CHD9: variants seen among roughly 807,000 people sequenced by gnomAD.
CHD9 encodes the protein ATP-dependent chromatin remodeler CHD9.
A neutral mutation model predicts 316.1 loss-of-function variants in CHD9; 77 were observed. The ratio of observed to expected loss-of-function variants is 0.24; its 90% CI spans 0.20 to 0.29. The LOEUF (loss-of-function observed/expected upper bound fraction) is 0.29. CHD9 is among the 10% of genes least tolerant of loss of function. CHD9 has a pLI of 1.00. For missense variants in CHD9, 2,763 were observed against 3,438.1 expected (o/e 0.80, Z 4.91); for synonymous variants, 1,129 against 1,158.3 (o/e 0.97, Z 0.51).
intron 1 of CHD9, among the ~76,000 whole-genome samples, chr16:53,097,354 C>CCCTTCCTTCCTTCCTT (rs58688221): frequency 6.5e-4 from 60 of 92,156 alleles, no homozygotes; most frequent in African/African-American, 2.7e-3. Flanking sequence ...ACCTCGCTCT[C>CCCTTCCTTCCTTCCTT]CCTTCCTTCC....
chr16:53,311,701 T>C (rs1231356289), intron 34 of CHD9: 2 of 152,246 alleles, frequency 1.3e-5, no homozygotes, highest in African/African-American at 4.8e-5. Context: ...GAAGAGCTCA[T>C]TCCAGAAACT....
intron 1 of CHD9, among the ~76,000 whole-genome samples, chr16:53,089,067 G>A (rs562133238): frequency 2.0e-5 from 3 of 152,038 alleles, no homozygotes. Flanking sequence ...AGCCGAGATC[G>A]TGCCACTGCA....
intron 1 of CHD9, among the ~76,000 whole-genome samples, chr16:53,103,296 G>T (rs1479211108): frequency 6.6e-6 from 1 of 151,638 alleles, no homozygotes; most frequent in East Asian, 1.9e-4. Flanking sequence ...GCCTCCCAAA[G>T]TGCTGGGATT....
At chr16:53,204,023 C>CAAAAAA (rs530552464) in intron 2 of CHD9, among the ~76,000 whole-genome samples, 6 of 48,346 alleles carry the variant, frequency 1.2e-4, no homozygotes, top group Admixed American at 3.4e-4. Flanking sequence ...GACTCCATCT[C>CAAAAAA]AAAAAAAAAA....
chr16:53,055,498 C>CCCT (rs968823883), intron 1 of CHD9, among the ~76,000 whole-genome samples: 2 of 151,630 alleles, frequency 1.3e-5, no homozygotes, highest in Non-Finnish European at 2.9e-5. Flanking sequence ...ACCCCCGCCC[C>CCCT]CCCCCAGAGA....
At chr16:53,262,604 C>G (rs2051256161) in intron 19 of CHD9, among the ~76,000 whole-genome samples, 1 of 152,002 alleles carries the variant, frequency 6.6e-6, no homozygotes, top group South Asian at 2.1e-4. Flanking sequence ...TAGAAATATA[C>G]CAGAAAATTA....
At chr16:53,189,332 G>T (rs2044295413) in intron 2 of CHD9, among the ~76,000 whole-genome samples, 1 of 151,798 alleles carries the variant, frequency 6.6e-6, no homozygotes. Flanking sequence ...ATGTTGCAAA[G>T]GTTTCTTTTT....
At chr16:53,185,987 G>T (rs2043967653) in intron 2 of CHD9, among the ~76,000 whole-genome samples, 1 of 152,238 alleles carries the variant, frequency 6.6e-6, no homozygotes, top group African/African-American at 2.4e-5. Flanking sequence ...CTCTGCTAGG[G>T]CAGTGTGGAG....
chr16:53,099,873 G>A (rs969786288), intron 1 of CHD9, among the ~76,000 whole-genome samples: 1 of 152,252 alleles, frequency 6.6e-6, no homozygotes, highest in Non-Finnish European at 1.5e-5. Context: ...GGCAGCGGGA[G>A]GGGGTGCTCC....
At chr16:53,190,423 C>T (rs575686634) in intron 2 of CHD9, among the ~76,000 whole-genome samples, 1 of 151,880 alleles carries the variant, frequency 6.6e-6, no homozygotes, top group South Asian at 2.1e-4. Flanking sequence ...TTTATCATGA[C>T]GCGCCAAGGA....
chr16:53,100,448 T>C (rs1222416715), intron 1 of CHD9, among the ~76,000 whole-genome samples: 5 of 142,734 alleles, frequency 3.5e-5, no homozygotes, highest in Non-Finnish European at 7.7e-5. Context: ...TTTAGACTCA[T>C]TCGTCTTTTT....
intron 28 of CHD9, among the ~76,000 whole-genome samples, chr16:53,292,626 C>A (rs903215112): frequency 2.6e-5 from 4 of 152,096 alleles, no homozygotes; most frequent in African/African-American, 9.7e-5. Context: ...AATCTTTATT[C>A]CACTGTATTG....
chr16:53,229,621 A>T (rs1366126351), intron 8 of CHD9, among the ~76,000 whole-genome samples: 2 of 152,198 alleles, frequency 1.3e-5, no homozygotes, highest in Non-Finnish European at 2.9e-5. Flanking sequence ...TGAAAATTTT[A>T]AAAACTTTTT....
chr16:53,101,303 C>A (rs1014821600), intron 1 of CHD9, among the ~76,000 whole-genome samples: 1 of 121,670 alleles, frequency 8.2e-6, no homozygotes, highest in Admixed American at 9.9e-5. Flanking sequence ...GAGACAGGGT[C>A]TCACTCTTTT....
chr16:53,183,974 T>C (rs2043765558), intron 2 of CHD9, among the ~76,000 whole-genome samples: 2 of 151,844 alleles, frequency 1.3e-5, no homozygotes, highest in African/African-American at 2.4e-5. Flanking sequence ...AGACGGAGTC[T>C]CGCTCTGTCG....
rs1050470400 is a variant in CHD9, at chr16:53,326,163, T to A, written c.*1268T>A. The A allele has an allele frequency of 6.6e-6, 1 of 152,492 alleles. No homozygotes were observed. Among genetic ancestry groups the A allele is most frequent in the Non-Finnish European group, 1.5e-5 (1 of 67,918 alleles). 9.4% of individuals were successfully genotyped at this position (152,492 alleles called of 1,614,324 possible). ...AATTTGTCTGATATTTGATTTGTGA[T>A]ACAATTTCTCCTGCTAAAGCTGCTA... On this transcript the variant is annotated 3_prime_UTR_variant, in exon 39 of 39. Coordinates refer to ENST00000447540, the MANE Select transcript of CHD9 (RefSeq NM_001308319.2).
At chr16:53,307,152 G>C (rs2056060149) in intron 32 of CHD9, among the ~76,000 whole-genome samples, 1 of 152,154 alleles carries the variant, frequency 6.6e-6, no homozygotes. Context: ...GGAAATGGGA[G>C]AATGGAGGGT....
rs748231101 is a variant in CHD9, at chr16:53,209,632, G to A, written c.1603G>A (p.Ala535Thr). The stretch of plus-strand genomic sequence containing the variant: ...TAATCGTATAATATCAGAGGCCATA[G>A]CAAAAGCAAAGGAGCGTGGGGAACG... ...KANRIISEAI[A>T]KAKERGERNI... The change falls in exon 3 of 39, where the codon GCA (alanine) becomes ACA (threonine). Residue 535 changes from alanine (A) to threonine (T), a missense_variant. Ala to Thr is a moderately conservative substitution (Grantham distance 58). This residue lies in a region of CHD9 where 859 missense variants were observed against 890.4 expected (regional missense o/e 0.96). Transcript: ENST00000447540. 3.7e-6 allele frequency: 6 copies of A among 1,613,884 alleles called. No homozygotes were observed. In the Middle Eastern group the frequency reaches 6.6e-4, roughly 178 times the overall value.
At chr16:53,283,782 C>A (rs186461134) in intron 24 of CHD9, among the ~76,000 whole-genome samples, 1 of 152,050 alleles carries the variant, frequency 6.6e-6, no homozygotes, top group East Asian at 1.9e-4. Context: ...TCAATTGTGA[C>A]CCTTTTGTTT....
Sources: gnomAD v4.1 joint callset for allele counts (sites outside exome capture counted in the v4.1 genomes callset) on GRCh38, gnomAD v4.1.1 for gene constraint, gnomAD v4.1.1 regional missense constraint, MANE v1.5 for transcripts, NCBI Gene and HGNC (gene_info 2026-07-23, HGNC 2026-07-21) for gene names.